The following ERBB4 variants were observed in gnomAD, a reference collection of about 807,000 sequenced individuals.
The protein encoded by ERBB4 is erb-b2 receptor tyrosine kinase 4, also known as receptor tyrosine-protein kinase erbB-4.
ERBB4 carries 42 observed loss-of-function variants against 158.0 expected under a neutral mutation model. That is an observed-to-expected ratio of 0.27 (90% CI 0.21 to 0.34). The LOEUF is 0.34. Ranked by LOEUF, ERBB4 falls within the 10% of genes least tolerant of loss-of-function variation. The probability of loss-of-function intolerance (pLI) is 1.00; values close to 1 mark genes in which losing one functional copy is unlikely to be tolerated. For synonymous variants in ERBB4, 583 were observed against 558.7 expected (o/e 1.04, Z -0.61); for missense variants, 1,333 against 1,624.1 (o/e 0.82, Z 3.08).
intron 20 of ERBB4, among the ~76,000 whole-genome samples, chr2:211,436,301 A>G (rs2063852672): frequency 6.6e-6 from 1 of 152,230 alleles, no homozygotes; most frequent in East Asian, 1.9e-4. Flanking sequence ...TGTGCAAACT[A>G]CAGACTGTTC....
chr2:211,861,131 TATATA>T (rs2078030011), intron 3 of ERBB4, among the ~76,000 whole-genome samples: 2 of 30,828 alleles, frequency 6.5e-5, no homozygotes, highest in African/African-American at 2.7e-4. Flanking sequence ...ATTTTATATA[TATATA>T]TATATATATA....
At chr2:212,295,524 A>C (rs1473468571) in intron 1 of ERBB4, among the ~76,000 whole-genome samples, 5 of 152,092 alleles carry the variant, frequency 3.3e-5, no homozygotes, top group African/African-American at 1.2e-4. Flanking sequence ...ACATACACAC[A>C]CACAAATTAT....
intron 4 of ERBB4, among the ~76,000 whole-genome samples, chr2:211,783,007 G>A (rs1288767469): frequency 6.1e-5 from 7 of 115,576 alleles, no homozygotes; most frequent in Non-Finnish European, 9.0e-5. Flanking sequence ...ATCCATGAGC[G>A]TGGAATGTTC....
chr2:212,385,368 T>A (rs1203234344), intron 1 of ERBB4, among the ~76,000 whole-genome samples: 1 of 151,800 alleles, frequency 6.6e-6, no homozygotes, highest in East Asian at 1.9e-4. Context: ...TGGACAACAA[T>A]GTTGAATGTA....
At chr2:212,535,876 T>G (rs947926123) in intron 1 of ERBB4, among the ~76,000 whole-genome samples, 1 of 152,216 alleles carries the variant, frequency 6.6e-6, no homozygotes, top group Non-Finnish European at 1.5e-5. Context: ...CCGCCCTATA[T>G]TTTTATTCTG....
intron 2 of ERBB4, among the ~76,000 whole-genome samples, chr2:212,092,581 T>C (rs10179617): frequency 0.67 from 101,920 of 152,132 alleles, 38,930 homozygotes; most frequent in East Asian, 1. Context: ...TTAAAATATA[T>C]TGAATATATA....
chr2:211,404,906 T>C (rs1313790703), intron 25 of ERBB4, among the ~76,000 whole-genome samples: 2 of 152,106 alleles, frequency 1.3e-5, no homozygotes, highest in African/African-American at 4.8e-5. Flanking sequence ...GTGAGTTATT[T>C]TTGTTGTTGG....
At chr2:212,102,611 A>T (rs146599509) in intron 2 of ERBB4, among the ~76,000 whole-genome samples, 3 of 152,302 alleles carry the variant, frequency 2.0e-5, no homozygotes, top group East Asian at 3.9e-4. Context: ...AAACAGATAT[A>T]CTGTTAGTCA....
chr2:211,392,644 G>A (rs1383294117), intron 25 of ERBB4, among the ~76,000 whole-genome samples: 1 of 150,422 alleles, frequency 6.6e-6, no homozygotes, highest in Non-Finnish European at 1.5e-5. Context: ...ATATTGACTT[G>A]GGCTCTTATT....
At chr2:212,054,855 C>T (rs1296905746) in intron 2 of ERBB4, among the ~76,000 whole-genome samples, 1 of 152,182 alleles carries the variant, frequency 6.6e-6, no homozygotes, top group Non-Finnish European at 1.5e-5. Flanking sequence ...CAGCTTGAGT[C>T]TACAGCTCCC....
intron 1 of ERBB4, among the ~76,000 whole-genome samples, chr2:212,209,163 A>G (rs537183928): frequency 6.6e-6 from 1 of 152,318 alleles, no homozygotes; most frequent in South Asian, 2.1e-4. Context: ...AATTAATGTC[A>G]GACACTTGAA....
chr2:212,497,878 A>AT (rs1189364736), intron 1 of ERBB4, among the ~76,000 whole-genome samples: 3 of 152,188 alleles, frequency 2.0e-5, no homozygotes, highest in African/African-American at 7.2e-5. Flanking sequence ...AGTTGTGGAC[A>AT]TTTTAAACTT....
intron 25 of ERBB4, among the ~76,000 whole-genome samples, chr2:211,398,331 C>T (rs889689092): frequency 1.3e-5 from 2 of 152,116 alleles, no homozygotes; most frequent in East Asian, 3.9e-4. Context: ...GTCACTCCCA[C>T]TGGGATACTT....
At chr2:211,700,065 T>G (rs2073175314) in intron 12 of ERBB4, among the ~76,000 whole-genome samples, 1 of 152,170 alleles carries the variant, frequency 6.6e-6, no homozygotes, top group Non-Finnish European at 1.5e-5. Flanking sequence ...TTCTTTACAT[T>G]ATTTTGAATT....
In ERBB4 at chr2:211,987,341, A is replaced by AG. The variant is rs1553526814; in HGVS notation, c.235-39726_235-39725insC. 6.3e-4 allele frequency among the ~76,000 whole-genome samples: 79 copies of AG among 124,436 alleles called. 4 individuals carry two copies. Among genetic ancestry groups the AG allele is most frequent in the South Asian group, 1.1e-3 (4 of 3,556 alleles). The allele number at this position is 124,436 out of a possible 152,430, so 81.6% of individuals were successfully genotyped here. On this transcript the variant is annotated intron_variant, in intron 2 of 27. Transcript: ENST00000342788. ...ATCTCAAGAAAAGACAAAAAAAAAA[A>AG]AAAGAAAGAAATCTATCACCCATGA...
In ERBB4 at chr2:211,721,620, C is replaced by CATATATATATATATATATATAT. The variant is rs71054137; in HGVS notation, c.883+751_883+772dup. On this transcript the variant is annotated intron_variant, in intron 7 of 27. Coordinates refer to ENST00000342788, the MANE Select transcript of ERBB4 (RefSeq NM_005235.3). ...TATTTAAGGTTAATTTGCTATTAAA[C>CATATATATATATATATATATAT]ATATATATATATATATATATATATA... is the stretch of plus-strand genomic sequence containing the variant. 5.4e-3 allele frequency among the ~76,000 whole-genome samples: 715 copies of CATATATATATATATATATATAT among 131,624 alleles called. 11 individuals carry two copies. Among genetic ancestry groups the CATATATATATATATATATATAT allele is most frequent in the African/African-American group, 0.01 (327 of 31,942 alleles). 86.4% of individuals were successfully genotyped at this position (131,624 alleles called of 152,430 possible).
intron 1 of ERBB4, among the ~76,000 whole-genome samples, chr2:212,148,642 T>C (rs766254240): frequency 6.6e-6 from 1 of 152,106 alleles, no homozygotes; most frequent in South Asian, 2.1e-4. Context: ...AGTTTAAGAA[T>C]AGTAAATAAA....
intron 3 of ERBB4, among the ~76,000 whole-genome samples, chr2:211,851,709 A>C (rs2077725723): frequency 1.3e-5 from 2 of 151,930 alleles, no homozygotes; most frequent in Non-Finnish European, 2.9e-5. Context: ...TTGCCTTCAA[A>C]AGGTGTTTGA....
chr2:211,602,158 G>T (rs913032245), intron 19 of ERBB4, among the ~76,000 whole-genome samples: 1 of 152,062 alleles, frequency 6.6e-6, no homozygotes, highest in African/African-American at 2.4e-5. Context: ...AGAACACTTG[G>T]TACAGTCCAT....
Sources: allele counts gnomAD v4.1 joint callset (sites outside exome capture counted in the v4.1 genomes callset), GRCh38; gene constraint gnomAD v4.1.1; transcripts MANE v1.5; gene names NCBI Gene and HGNC (gene_info 2026-07-23, HGNC 2026-07-21).